The following VOPP1 variants were observed in gnomAD, a reference collection of about 807,000 sequenced individuals.
VOPP1 encodes the protein WW domain binding protein VOPP1.
A neutral mutation model predicts 23.5 loss-of-function variants in VOPP1; 8 were observed. That is an observed-to-expected ratio of 0.34 (90% CI 0.20 to 0.61). VOPP1 has a LOEUF of 0.61. Ranked by LOEUF, VOPP1 falls within the 20% of genes least tolerant of loss-of-function variation. The probability of loss-of-function intolerance (pLI) is 0.78; values close to 1 mark genes in which losing one functional copy is unlikely to be tolerated. For synonymous variants in VOPP1, 83 were observed against 97.3 expected (o/e 0.85, Z 0.86); for missense variants, 174 against 238.1 (o/e 0.73, Z 1.77).
chr7:55,526,752 C>T (rs1194559276), intron 1 of VOPP1: 1 of 152,234 alleles, frequency 6.6e-6, no homozygotes, highest in Admixed American at 6.5e-5. Flanking sequence ...AAGTAAGGAT[C>T]CTTATGTTAC....
rs1310453369 is a variant in VOPP1, at chr7:55,450,334, C to T, written n.418-14160G>A. On this transcript the variant is annotated intron_variant and non_coding_transcript_variant, in intron 4 of 4. Coordinates refer to the VOPP1 transcript ENST00000462326. ...CCATTTCAGGGCTGACCACCCAGCA[C>T]TGGAACTTGTGTAACCACCCAGAAC... Among the ~76,000 whole-genome samples, 10 of 28,284 alleles carry T rather than the reference C, an allele frequency of 3.5e-4. No individual in the cohort carries two copies. In the Admixed American group the frequency reaches 4.3e-3, roughly 12 times the overall value. 18.6% of individuals were successfully genotyped at this position (28,284 alleles called of 152,430 possible).
In VOPP1 at chr7:55,572,263, GC is replaced by G. The variant is rs1798392203; in HGVS notation, c.54+7del. The G allele has an allele frequency of 1.3e-6, 2 of 1,524,480 alleles. No homozygotes were observed. Among genetic ancestry groups the G allele is most frequent in the East Asian group, 5.4e-5 (2 of 37,328 alleles). The allele number at this position is 1,524,480 out of a possible 1,614,324, so 94.4% of individuals were successfully genotyped here. On this transcript the variant is annotated splice_region_variant and intron_variant, in intron 1 of 4. Transcript: ENST00000285279. ...CGCCTCCGGCAGCACCCGGTCCCCGGCCCCTACCTCCAAGAGCAGCCCGAGC... is the reference window on the plus strand; with the variant it reads ...CGCCTCCGGCAGCACCCGGTCCCCGGCCCTACCTCCAAGAGCAGCCCGAGC...
At chr7:55,532,997 C>T (rs1260703193) in intron 1 of VOPP1, among the ~76,000 whole-genome samples, 1 of 152,132 alleles carries the variant, frequency 6.6e-6, no homozygotes, top group African/African-American at 2.4e-5. Context: ...AGAGTCAGTT[C>T]CACGTGCTGC....
At chr7:55,538,288 A>C (rs1013827125) in intron 1 of VOPP1, among the ~76,000 whole-genome samples, 2 of 152,184 alleles carry the variant, frequency 1.3e-5, no homozygotes, top group Non-Finnish European at 2.9e-5. Flanking sequence ...TCTCCAACTG[A>C]GCTACACTCT....
intron 1 of VOPP1, among the ~76,000 whole-genome samples, chr7:55,533,070 G>A (rs1796585905): frequency 6.6e-6 from 1 of 152,198 alleles, no homozygotes; most frequent in South Asian, 2.1e-4. Flanking sequence ...GGAGGCCTAA[G>A]CTAAAACCAG....
At chr7:55,539,686 G>T (rs368341055) in intron 1 of VOPP1, 8 of 152,386 alleles carry the variant, frequency 5.2e-5, no homozygotes, top group African/African-American at 1.9e-4. Context: ...CACGGATGGA[G>T]TTGAGTCCCT....
intron 2 of VOPP1, among the ~76,000 whole-genome samples, chr7:55,499,555 A>G (rs1428005089): frequency 6.6e-6 from 1 of 152,220 alleles, no homozygotes; most frequent in Admixed American, 6.5e-5. Flanking sequence ...AAAATAGTAA[A>G]CGAGAAAACA....
At chr7:55,542,065 C>T (rs1035632867) in intron 1 of VOPP1, among the ~76,000 whole-genome samples, 1 of 152,096 alleles carries the variant, frequency 6.6e-6, no homozygotes, top group Non-Finnish European at 1.5e-5. Context: ...GGCATGTGAA[C>T]GACATCTCAA....
intron 1 of VOPP1, chr7:55,526,658 G>T (rs1584033729): frequency 6.6e-6 from 1 of 152,228 alleles, no homozygotes; most frequent in African/African-American, 2.4e-5. Context: ...AAGTTCAGGG[G>T]ATAAGGTGAG....
In VOPP1 at chr7:55,471,665, T is replaced by C. The variant is rs1196914971; in HGVS notation, c.*1190A>G. On this transcript the variant is annotated 3_prime_UTR_variant, in exon 5 of 5. Transcript: ENST00000285279. ...ACTCAGGAGACTACCTGTGAGATCCTGGGGTGAGCTGTGATTCCTATCCAG... is the reference window on the plus strand; with the variant it reads ...ACTCAGGAGACTACCTGTGAGATCCCGGGGTGAGCTGTGATTCCTATCCAG... The C allele has an allele frequency of 2.6e-5, 4 of 151,912 alleles. No individual in the cohort carries two copies. Among genetic ancestry groups the C allele is most frequent in the Non-Finnish European group, 5.9e-5 (4 of 67,980 alleles). The allele number at this position is 151,912 out of a possible 1,614,324, so 9.4% of individuals were successfully genotyped here. A position where few individuals can be genotyped will look rare whatever the true frequency, so the allele number is the denominator to read the frequency against.
intron 1 of VOPP1, among the ~76,000 whole-genome samples, chr7:55,557,575 G>A (rs947889344): frequency 5.3e-5 from 8 of 151,890 alleles, no homozygotes; most frequent in Admixed American, 4.6e-4. Context: ...GATTCTTCAG[G>A]ACCCATCTAA....
At chr7:55,446,235 T>C (rs567212540) in intron 4 of VOPP1, among the ~76,000 whole-genome samples, 13 of 152,238 alleles carry the variant, frequency 8.5e-5, no homozygotes, top group South Asian at 4.1e-4. Flanking sequence ...CCTCGTGATC[T>C]GCCCACCTCG....
At chr7:55,467,753 G>A (rs980434601), downstream of VOPP1, among the ~76,000 whole-genome samples, 17 of 152,202 alleles carry the variant, frequency 1.1e-4, no homozygotes, top group Non-Finnish European at 8.8e-5. Context: ...CCCATAGGTG[G>A]CTGTGATGTC....
intron 2 of VOPP1, among the ~76,000 whole-genome samples, chr7:55,501,715 C>T (rs1055911433): frequency 2.6e-5 from 4 of 152,162 alleles, no homozygotes; most frequent in Non-Finnish European, 5.9e-5. Context: ...TAGCCATGAA[C>T]AGCCTCCTCT....
Position 55,554,367 on chromosome 7 carries a change from T to C in VOPP1, c.54+17904A>G, listed in dbSNP as rs1797730136. Among the ~76,000 whole-genome samples, 6 of 152,324 alleles carry C rather than the reference T, an allele frequency of 3.9e-5. No homozygotes were observed. In the South Asian group the frequency reaches 1.2e-3, roughly 32 times the overall value. On this transcript the variant is annotated intron_variant, in intron 1 of 4. Transcript: ENST00000285279. ...ACTAACTTGAGGGTGGCTGGAATTT[T>C]TCCCATAGGCCAATAGGGTACCATT... is the stretch of plus-strand genomic sequence containing the variant.
intron 1 of VOPP1, among the ~76,000 whole-genome samples, chr7:55,562,442 G>A (rs965778596): frequency 1.3e-5 from 2 of 152,192 alleles, no homozygotes; most frequent in African/African-American, 4.8e-5. Context: ...GAAAATACTG[G>A]TAGTGACACT....
chr7:55,555,979 C>T (rs1797787370), intron 1 of VOPP1, among the ~76,000 whole-genome samples: 1 of 152,182 alleles, frequency 6.6e-6, no homozygotes, highest in Admixed American at 6.5e-5. Context: ...TAAGATGTTT[C>T]CCCGTAGATT....
At chr7:55,517,292 A>G (rs1795521178) in intron 2 of VOPP1, among the ~76,000 whole-genome samples, 1 of 151,750 alleles carries the variant, frequency 6.6e-6, no homozygotes, top group Admixed American at 6.6e-5. Flanking sequence ...ATGCTTCAGA[A>G]ATGACTAGTC....
At chr7:55,469,057 G>A (rs1791708396), downstream of VOPP1, among the ~76,000 whole-genome samples, 1 of 152,142 alleles carries the variant, frequency 6.6e-6, no homozygotes, top group Non-Finnish European at 1.5e-5. Context: ...TAGAATCTAG[G>A]TAGTGGGTTT....
Sources: gnomAD v4.1 joint callset for allele counts (sites outside exome capture counted in the v4.1 genomes callset) on GRCh38, gnomAD v4.1.1 for gene constraint, MANE v1.5 for transcripts, NCBI Gene and HGNC (gene_info 2026-07-23, HGNC 2026-07-21) for gene names.